PACRG: variants seen among roughly 807,000 people sequenced by gnomAD.
The protein encoded by PACRG is parkin coregulated, also known as parkin coregulated gene protein.
Under a neutral mutation model 29.7 loss-of-function variants are expected in PACRG, and 29 were observed. The ratio of observed to expected loss-of-function variants is 0.98; its 90% confidence interval spans 0.73 to 1.33. The LOEUF (loss-of-function observed/expected upper bound fraction) is 1.33. PACRG is among the 40% of genes most tolerant of loss of function. The pLI is 0.00. For missense variants in PACRG, 279 were observed against 316.2 expected, an observed-to-expected ratio of 0.88 and a Z score of 0.89; for synonymous variants, 116 against 118.7, an observed-to-expected ratio of 0.98 and a Z score of 0.15.
intron 4 of PACRG, among the ~76,000 whole-genome samples, chr6:163,307,684 C>A (rs1282764750): frequency 2.6e-5 from 4 of 152,164 alleles, no homozygotes; most frequent in African/African-American, 9.7e-5. Flanking sequence ...GGGAAACACA[C>A]ATTATGGTTA....
chr6:163,053,061 T>C (rs1810186000), intron 2 of PACRG, among the ~76,000 whole-genome samples: 1 of 152,218 alleles, frequency 6.6e-6, no homozygotes, highest in Admixed American at 6.5e-5. Flanking sequence ...AATTTTCTTT[T>C]AATTCTGGAT....
intron 3 of PACRG, among the ~76,000 whole-genome samples, chr6:163,066,089 C>G (rs1811519552): frequency 1.3e-5 from 2 of 152,140 alleles, no homozygotes; most frequent in South Asian, 4.1e-4. Context: ...ATACTTGCAG[C>G]AATCTAAAGA....
At chr6:163,156,512 G>GC (rs1397291134) in intron 4 of PACRG, among the ~76,000 whole-genome samples, 3 of 152,072 alleles carry the variant, frequency 2.0e-5, no homozygotes, top group Admixed American at 2.0e-4. Context: ...CACTGCTGCT[G>GC]CCTGGGTTCC....
At chr6:163,169,936 T>G (rs113411558) in intron 4 of PACRG, among the ~76,000 whole-genome samples, 4 of 152,332 alleles carry the variant, frequency 2.6e-5, no homozygotes, top group Admixed American at 2.0e-4. Flanking sequence ...GACGGCCACT[T>G]TCTCGCTGTG....
chr6:162,947,778 C>A (rs1799353347), intron 2 of PACRG, among the ~76,000 whole-genome samples: 1 of 148,740 alleles, frequency 6.7e-6, no homozygotes, highest in Non-Finnish European at 1.5e-5. Flanking sequence ...AGAAAGAAAT[C>A]AAGAAGGTAA....
At chr6:163,018,760 G>A (rs752558787) in intron 2 of PACRG, among the ~76,000 whole-genome samples, 35 of 149,814 alleles carry the variant, frequency 2.3e-4, no homozygotes, top group Middle Eastern at 3.4e-3. Context: ...TTTTGGGGAG[G>A]GAGTTGTCTT....
At chr6:163,052,749 G>A (rs1016259347) in intron 2 of PACRG, among the ~76,000 whole-genome samples, 2 of 152,150 alleles carry the variant, frequency 1.3e-5, no homozygotes, top group African/African-American at 4.8e-5. Flanking sequence ...CAACCTCACT[G>A]TGTTTCTGAT....
intron 1 of PACRG, among the ~76,000 whole-genome samples, chr6:162,739,221 G>A (rs1396456902): frequency 6.6e-6 from 1 of 152,096 alleles, no homozygotes; most frequent in African/African-American, 2.4e-5. Context: ...ATAATATCTT[G>A]TTTTAATTTT....
intron 3 of PACRG, among the ~76,000 whole-genome samples, chr6:163,086,707 G>T (rs1023245138): frequency 1.3e-5 from 2 of 152,102 alleles, no homozygotes; most frequent in East Asian, 3.9e-4. Flanking sequence ...ACCACTAAAT[G>T]ATATCTTATA....
chr6:162,941,048 ATG>A (rs370462604), intron 2 of PACRG, among the ~76,000 whole-genome samples: 27 of 81,852 alleles, frequency 3.3e-4, no homozygotes, highest in Non-Finnish European at 5.4e-4. Context: ...GTGTTTGTGC[ATG>A]TGTGTGTGTG....
At chr6:162,844,918 G>A (rs1025186604) in intron 2 of PACRG, among the ~76,000 whole-genome samples, 3 of 152,028 alleles carry the variant, frequency 2.0e-5, no homozygotes, top group Non-Finnish European at 4.4e-5. Flanking sequence ...TTATTTTTTA[G>A]GGTACTGTTT....
At chr6:163,076,446 T>G (rs2128284993) in intron 3 of PACRG, among the ~76,000 whole-genome samples, 1 of 152,300 alleles carries the variant, frequency 6.6e-6, no homozygotes, top group East Asian at 1.9e-4. Flanking sequence ...TGCTTTCTGC[T>G]GCCCCAGGCC....
intron 4 of PACRG, chr6:163,245,018 C>T (rs1329091282): frequency 4.4e-6 from 2 of 455,410 alleles, no homozygotes; most frequent in Non-Finnish European, 8.8e-6. Context: ...GTCTTTCTAC[C>T]ATTTTCTACC....
chr6:163,220,326 G>T (rs936360639), intron 4 of PACRG, among the ~76,000 whole-genome samples: 3 of 152,196 alleles, frequency 2.0e-5, no homozygotes, highest in African/African-American at 7.2e-5. Flanking sequence ...ATCCAGGGGT[G>T]TGCTCCCAGT....
chr6:163,105,498 G>T (rs1815332468), intron 4 of PACRG, among the ~76,000 whole-genome samples: 1 of 152,022 alleles, frequency 6.6e-6, no homozygotes, highest in Non-Finnish European at 1.5e-5. Flanking sequence ...GGTTTAATTT[G>T]CTTGGCTCAA....
At position 162,815,779 on chromosome 6, in the gene PACRG, G is replaced by A. The variant is rs908124590; in HGVS notation, c.291+1498G>A. On this transcript the variant is annotated intron_variant, in intron 2 of 4. Transcript: ENST00000366888. ...GATTGGTTGCATGGATTTTGTGTTT[G>A]CCTGTCTATGTACTGGCTCATAGAT... Among the ~76,000 whole-genome samples the A allele has an allele frequency of 4.6e-5, 7 of 151,932 alleles. No individual in the cohort carries two copies. In the East Asian group the frequency reaches 1.3e-3, roughly 29 times the overall value.
chr6:163,243,514 T>G (rs1782581473), intron 4 of PACRG, among the ~76,000 whole-genome samples: 1 of 152,132 alleles, frequency 6.6e-6, no homozygotes, highest in Non-Finnish European at 1.5e-5. Flanking sequence ...TCTTTTCATT[T>G]CCAAGACTGT....
At chr6:163,258,885 G>A (rs1309302331) in intron 4 of PACRG, among the ~76,000 whole-genome samples, 3 of 152,118 alleles carry the variant, frequency 2.0e-5, no homozygotes, top group Non-Finnish European at 4.4e-5. Context: ...CTAGCTTTCG[G>A]TATCAACATC....
At chr6:163,155,147 A>G (rs1194513182) in intron 4 of PACRG, among the ~76,000 whole-genome samples, 3 of 152,164 alleles carry the variant, frequency 2.0e-5, no homozygotes, top group African/African-American at 7.2e-5. Context: ...CTGCTTTCCT[A>G]ACGTGACTGG....
Sources: allele counts gnomAD v4.1 joint callset (sites outside exome capture counted in the v4.1 genomes callset), GRCh38; gene constraint gnomAD v4.1.1; transcripts MANE v1.5; gene names NCBI Gene and HGNC (gene_info 2026-07-23, HGNC 2026-07-21).